THSD7A: variants seen among roughly 807,000 people sequenced by gnomAD.
THSD7A encodes thrombospondin type-1 domain-containing protein 7A.
A neutral mutation model predicts 231.3 loss-of-function variants in THSD7A; 96 were observed. That is an observed-to-expected ratio of 0.41 (90% CI 0.35 to 0.49). THSD7A has a LOEUF of 0.49. THSD7A is among the 20% of genes least tolerant of loss of function. The pLI is 0.05. For missense variants in THSD7A, 2,290 were observed against 2,070.2 expected (o/e 1.11, Z -2.06); for synonymous variants, 940 against 743.3 (o/e 1.26, Z -4.30).
intron 24 of THSD7A, among the ~76,000 whole-genome samples, chr7:11,382,260 T>C (rs1782546966): frequency 6.6e-6 from 1 of 152,154 alleles, no homozygotes; most frequent in African/African-American, 2.4e-5. Context: ...ATAACAATTA[T>C]TTATTAGAAT....
intron 4 of THSD7A, among the ~76,000 whole-genome samples, chr7:11,558,422 C>T (rs62434471): frequency 0.053 from 8,092 of 152,048 alleles, 285 homozygotes; most frequent in African/African-American, 0.082. Context: ...AACATAAATC[C>T]GATCTACTAT....
chr7:11,670,997 A>G (rs1453151639), intron 1 of THSD7A, among the ~76,000 whole-genome samples: 24 of 152,134 alleles, frequency 1.6e-4, no homozygotes, highest in Admixed American at 1.6e-3. Context: ...AGATTTCACA[A>G]GTTTGGTAAT....
rs899065894 is a variant in THSD7A at position 11,832,130 on chromosome 7, C to T, written c.-184G>A. 1.1e-5 allele frequency: 4 copies of T among 373,274 alleles called. No individual in the cohort carries two copies. In the East Asian group the frequency reaches 1.4e-4, roughly 13 times the overall value. 23.1% of individuals were successfully genotyped at this position (373,274 alleles called of 1,614,324 possible). On this transcript the variant is annotated 5_prime_UTR_variant, in exon 1 of 28. Coordinates refer to ENST00000423059, the MANE Select transcript of THSD7A (RefSeq NM_015204.3). ...GAACAATAGCGTCCGCGGTGGTGGC[C>T]GTGGCCGCTGCCGCCGCCGCCGCCG... is the stretch of plus-strand genomic sequence containing the variant.
intron 4 of THSD7A, among the ~76,000 whole-genome samples, chr7:11,579,752 C>A (rs1159523058): frequency 1.3e-5 from 2 of 152,130 alleles, no homozygotes; most frequent in African/African-American, 2.4e-5. Flanking sequence ...AATATCATTA[C>A]TGAAAGGTCC....
chr7:11,684,897 A>G (rs1022065477), intron 1 of THSD7A, among the ~76,000 whole-genome samples: 2 of 151,994 alleles, frequency 1.3e-5, no homozygotes, highest in Non-Finnish European at 2.9e-5. Flanking sequence ...GAAACCATAA[A>G]AAAGCCAAAA....
At chr7:11,401,709 G>A in intron 23 of THSD7A, 86 bp downstream of exon 23, 1 of 1,337,022 alleles carries the variant, frequency 7.5e-7, no homozygotes. Flanking sequence ...ACCGCACGTG[G>A]CCAACTTTGT....
At chr7:11,658,071 C>T (rs752308574) in intron 1 of THSD7A, among the ~76,000 whole-genome samples, 13 of 151,320 alleles carry the variant, frequency 8.6e-5, no homozygotes, top group East Asian at 3.9e-4. Flanking sequence ...GTCAGTGAGG[C>T]GAACATAAAA....
intron 8 of THSD7A, among the ~76,000 whole-genome samples, chr7:11,470,369 A>T (rs1167572852): frequency 6.6e-6 from 1 of 152,082 alleles, no homozygotes; most frequent in Non-Finnish European, 1.5e-5. Context: ...TAATTCTATG[A>T]TACATATTTG....
intron 1 of THSD7A, among the ~76,000 whole-genome samples, chr7:11,797,415 T>A: frequency 7.6e-6 from 1 of 132,120 alleles, no homozygotes; most frequent in Non-Finnish European, 1.7e-5. Context: ...CCTCTCTCTT[T>A]TTTTTTTTTT....
At chr7:11,645,818 A>G (rs1782257989) in intron 1 of THSD7A, among the ~76,000 whole-genome samples, 1 of 151,886 alleles carries the variant, frequency 6.6e-6, no homozygotes, top group East Asian at 1.9e-4. Context: ...TAATTTTGTT[A>G]CTCTGTCCAG....
At chr7:11,495,527 G>A (rs189688500) in intron 6 of THSD7A, among the ~76,000 whole-genome samples, 62 of 152,222 alleles carry the variant, frequency 4.1e-4, no homozygotes, top group Admixed American at 4.0e-3. Context: ...TTGGTGAACA[G>A]TTTCAAAGAA....
At chr7:11,533,579 T>C (rs1365080669) in intron 6 of THSD7A, among the ~76,000 whole-genome samples, 1 of 152,232 alleles carries the variant, frequency 6.6e-6, no homozygotes, top group Non-Finnish European at 1.5e-5. Context: ...AGTGAGATCA[T>C]GTTGTTTGCA....
At chr7:11,395,311 G>C (rs909076042) in intron 23 of THSD7A, among the ~76,000 whole-genome samples, 1 of 152,140 alleles carries the variant, frequency 6.6e-6, no homozygotes, top group Non-Finnish European at 1.5e-5. Context: ...GGAGCACCCA[G>C]ATTCATAAAG....
At chr7:11,630,882 A>G (rs1781624679) in intron 2 of THSD7A, among the ~76,000 whole-genome samples, 1 of 152,230 alleles carries the variant, frequency 6.6e-6, no homozygotes, top group African/African-American at 2.4e-5. Context: ...CATCAGGTAG[A>G]GCATTCCAGA....
chr7:11,584,175 G>T (rs1791292253), intron 4 of THSD7A, among the ~76,000 whole-genome samples: 1 of 152,124 alleles, frequency 6.6e-6, no homozygotes, highest in African/African-American at 2.4e-5. Flanking sequence ...GAAAGCATCA[G>T]CAGCTCAGCC....
chr7:11,589,852 G>A (rs1562749535), intron 4 of THSD7A, among the ~76,000 whole-genome samples: 1 of 151,934 alleles, frequency 6.6e-6, no homozygotes, highest in Non-Finnish European at 1.5e-5. Flanking sequence ...GGGCCATTTT[G>A]TATTCACTTA....
At chr7:11,408,919 T>C (rs1240418626) in intron 19 of THSD7A, among the ~76,000 whole-genome samples, 5 of 152,190 alleles carry the variant, frequency 3.3e-5, no homozygotes, top group African/African-American at 1.2e-4. Flanking sequence ...TGAGGTGATA[T>C]GATAAAAATA....
rs1297411084 is a variant in THSD7A, at chr7:11,371,826, A to AAATC, written c.*3964_*3967dup. Reference sequence around the variant, plus strand: ...TTTCTTTGACCAGTGGATTTGGTGTAAATCAGGATGTTCACACTCTGAGTG... The same window carrying AAATC: ...TTTCTTTGACCAGTGGATTTGGTGTAAATCAATCAGGATGTTCACACTCTGAGTG... On this transcript the variant is annotated 3_prime_UTR_variant, in exon 28 of 28. Transcript: ENST00000423059. 1 of 148,310 alleles carries AAATC rather than the reference A, an allele frequency of 6.7e-6. No individual in the cohort carries two copies. The highest frequency in any genetic ancestry group is 1.5e-5 in the Non-Finnish European group (1 of 67,626). 9.2% of individuals were successfully genotyped at this position (148,310 alleles called of 1,614,324 possible).
chr7:11,783,450 G>A (rs938549957), intron 1 of THSD7A, among the ~76,000 whole-genome samples: 1 of 152,084 alleles, frequency 6.6e-6, no homozygotes, highest in African/African-American at 2.4e-5. Flanking sequence ...AAAATCTTAA[G>A]TCTAACCACA....
Sources: allele counts gnomAD v4.1 joint callset (sites outside exome capture counted in the v4.1 genomes callset), GRCh38; gene constraint gnomAD v4.1.1; transcripts MANE v1.5; gene names NCBI Gene and HGNC (gene_info 2026-07-23, HGNC 2026-07-21).